The following NRXN3 variants were observed in gnomAD, a reference collection of about 807,000 sequenced individuals.
The protein encoded by NRXN3 is neurexin 3.
In NRXN3, 32 loss-of-function variants were observed where a neutral mutation model predicts 137.6. That is an observed-to-expected ratio of 0.23 (90% CI 0.18 to 0.31). NRXN3 has a LOEUF of 0.31. Among genes scored for constraint, NRXN3 ranks in the 10% least tolerant of loss-of-function variants. The pLI, the probability that NRXN3 is intolerant of heterozygous loss-of-function variation, is 1.00. For synonymous variants in NRXN3, 798 were observed against 784.5 expected, an observed-to-expected ratio of 1.02 and a Z score of -0.29; for missense variants, 1,574 against 2,062.5, an observed-to-expected ratio of 0.76 and a Z score of 4.59.
At chr14:78,422,303 A>G (rs1403825897) in intron 4 of NRXN3, among the ~76,000 whole-genome samples, 1 of 152,188 alleles carries the variant, frequency 6.6e-6, no homozygotes, top group Non-Finnish European at 1.5e-5. Flanking sequence ...CATTGTTGCA[A>G]TTTTGCATTC....
At chr14:78,859,761 G>A (rs1246612884) in intron 10 of NRXN3, among the ~76,000 whole-genome samples, 3 of 151,988 alleles carry the variant, frequency 2.0e-5, no homozygotes, top group Non-Finnish European at 2.9e-5. Context: ...TTTACTGTTG[G>A]ACTTTCTTGA....
At chr14:78,591,026 T>G (rs1325637246) in intron 4 of NRXN3, among the ~76,000 whole-genome samples, 4 of 151,946 alleles carry the variant, frequency 2.6e-5, no homozygotes, top group Non-Finnish European at 4.4e-5. Context: ...AAAAAAGAGG[T>G]GAGGGCACAG....
At chr14:78,272,995 C>T (rs1172226014) in intron 2 of NRXN3, among the ~76,000 whole-genome samples, 6 of 152,190 alleles carry the variant, frequency 3.9e-5, no homozygotes, top group South Asian at 4.1e-4. Flanking sequence ...TATGTATACA[C>T]GCATATTTGC....
chr14:78,606,650 T>A lies in NRXN3; in HGVS notation c.758-38470T>A, dbSNP rs149851825. On this transcript the variant is annotated intron_variant, in intron 4 of 20. Transcript: ENST00000335750. The stretch of plus-strand genomic sequence containing the variant: ...CAGTGTCCTAGATGCTCGATAAATA[T>A]GTTTTGGACTAAAATATGCTGCTAG... Among the ~76,000 whole-genome samples, 24 of 152,338 alleles carry A rather than the reference T, an allele frequency of 1.6e-4. No homozygotes were observed. In the East Asian group the frequency reaches 3.9e-3, roughly 24 times the overall value.
chr14:79,102,989 T>C (rs75063588), intron 15 of NRXN3, among the ~76,000 whole-genome samples: 1,882 of 152,298 alleles, frequency 0.012, 38 homozygotes, highest in African/African-American at 0.044. Flanking sequence ...AGGTAAATAG[T>C]TGCATTACAT....
chr14:79,173,990 C>A (rs991589788), intron 15 of NRXN3, among the ~76,000 whole-genome samples: 1 of 152,148 alleles, frequency 6.6e-6, no homozygotes, highest in African/African-American at 2.4e-5. Context: ...TATCTTTATC[C>A]ATAAATGTGT....
At chr14:79,849,244 A>T (rs917623565) in intron 20 of NRXN3, among the ~76,000 whole-genome samples, 14 of 152,210 alleles carry the variant, frequency 9.2e-5, no homozygotes, top group Admixed American at 9.2e-4. Flanking sequence ...CCGAAGCCAA[A>T]GTAATCTTTA....
At chr14:78,588,111 G>A (rs2097084249) in intron 4 of NRXN3, among the ~76,000 whole-genome samples, 1 of 152,102 alleles carries the variant, frequency 6.6e-6, no homozygotes, top group Admixed American at 6.5e-5. Flanking sequence ...TTTTTTGAAA[G>A]TATAAGCTTC....
chr14:79,600,283 T>C (rs1008730357), intron 16 of NRXN3, among the ~76,000 whole-genome samples: 1 of 152,216 alleles, frequency 6.6e-6, no homozygotes, highest in African/African-American at 2.4e-5. Context: ...TTATATATTT[T>C]TAAACTCTGA....
intron 10 of NRXN3, among the ~76,000 whole-genome samples, chr14:78,941,643 A>G (rs2099353191): frequency 6.6e-6 from 1 of 152,218 alleles, no homozygotes. Flanking sequence ...CTTTGCATCT[A>G]CTTAGTAGCT....
At chr14:79,338,357 C>T (rs928269420) in intron 15 of NRXN3, among the ~76,000 whole-genome samples, 1 of 151,878 alleles carries the variant, frequency 6.6e-6, no homozygotes, top group African/African-American at 2.4e-5. Context: ...TGGGTAGTTA[C>T]GGCAGCCTTC....
In NRXN3 at chr14:79,789,637, T is replaced by C. The variant is rs117701103; in HGVS notation, c.4015-15475T>C. ...CTACTCTTGTCCCTTGATGATATGC[T>C]AAACAGGCCATGGCATTTGTGAACT... On this transcript the variant is annotated intron_variant, in intron 19 of 20. Transcript: ENST00000335750. Among the ~76,000 whole-genome samples the C allele has an allele frequency of 2.3e-3, 343 of 152,280 alleles. 10 individuals are homozygous for C. In the East Asian group the frequency reaches 0.043, roughly 19 times the overall value.
At chr14:79,514,849 C>CTTCTTTTTCTTCTTA (rs1567349809) in intron 16 of NRXN3, among the ~76,000 whole-genome samples, 1 of 151,028 alleles carries the variant, frequency 6.6e-6, no homozygotes, top group African/African-American at 2.5e-5. Context: ...GACTGCTTCT[C>CTTCTTTTTCTTCTTA]TTTAAAAAGT....
At chr14:78,693,655 TCG>T (rs1491156281) in intron 6 of NRXN3, among the ~76,000 whole-genome samples, 2 of 122,234 alleles carry the variant, frequency 1.6e-5, no homozygotes, top group Non-Finnish European at 3.5e-5. Context: ...AAGTTGATTT[TCG>T]TGTGTGTGTG....
chr14:79,701,280 A>G lies in NRXN3; in HGVS notation c.4014+3343A>G, dbSNP rs1051927331. On this transcript the variant is annotated intron_variant, in intron 19 of 20. Coordinates refer to ENST00000335750, the MANE Select transcript of NRXN3 (RefSeq NM_001330195.2). ...AGTTCTAGTTAACTATTTATATGAA[A>G]CAAATTTTCCCATAACTTGGTGGTT... is the stretch of plus-strand genomic sequence containing the variant. Among the ~76,000 whole-genome samples the G allele has an allele frequency of 4.6e-5, 7 of 152,222 alleles. No individual in the cohort carries two copies. The East Asian group carries it at 1.4e-3, about 30-fold the overall frequency.
intron 15 of NRXN3, among the ~76,000 whole-genome samples, chr14:79,282,904 T>G (rs1360479367): frequency 2.6e-5 from 4 of 152,168 alleles, no homozygotes; most frequent in Admixed American, 1.3e-4. Context: ...TTGGTGTTTT[T>G]GAGCATAAAA....
intron 10 of NRXN3, 81 bp from the exon 11 acceptor site, chr14:78,957,161 C>A: frequency 7.0e-7 from 1 of 1,437,508 alleles, no homozygotes; most frequent in Non-Finnish European, 9.7e-7. Flanking sequence ...GTCATGTGCA[C>A]CAGTGTGGTT....
intron 17 of NRXN3, among the ~76,000 whole-genome samples, chr14:79,677,547 A>C (rs1292657879): frequency 6.6e-6 from 1 of 152,134 alleles, no homozygotes; most frequent in Non-Finnish European, 1.5e-5. Flanking sequence ...ATCGGTAAAA[A>C]TAAAGGCAAT....
intron 4 of NRXN3, among the ~76,000 whole-genome samples, chr14:78,628,061 T>C (rs2097484290): frequency 6.6e-6 from 1 of 151,596 alleles, no homozygotes; most frequent in Admixed American, 6.6e-5. Flanking sequence ...TACCATAGCA[T>C]TGCAGAGTTC....
Sources: gnomAD v4.1 joint callset for allele counts (sites outside exome capture counted in the v4.1 genomes callset) on GRCh38, gnomAD v4.1.1 for gene constraint, MANE v1.5 for transcripts, NCBI Gene and HGNC (gene_info 2026-07-23, HGNC 2026-07-21) for gene names.